HTR2C: variants seen among roughly 807,000 people sequenced by gnomAD.
The protein encoded by HTR2C is 5-hydroxytryptamine receptor 2C.
Under a neutral mutation model 21.0 loss-of-function variants are expected in HTR2C, and 5 were observed. The observed-to-expected ratio is 0.24, with a 90% CI of 0.12 to 0.50. HTR2C has a LOEUF of 0.50. Among genes scored for constraint, HTR2C ranks in the 20% least tolerant of loss-of-function variants. HTR2C has a pLI of 0.98. For synonymous variants in HTR2C, 150 were observed against 145.3 expected, an observed-to-expected ratio of 1.03 and a Z score of -0.23; for missense variants, 271 against 371.2, an observed-to-expected ratio of 0.73 and a Z score of 2.22.
chrX:114,764,912 TTTC>T (rs1556434053), intron 4 of HTR2C, among the ~76,000 whole-genome samples: 2 of 70,112 alleles, frequency 2.9e-5, no homozygotes, highest in African/African-American at 9.9e-5. Flanking sequence ...TCTTTCTTTC[TTTC>T]TTTCTTTCTT....
intron 4 of HTR2C, among the ~76,000 whole-genome samples, chrX:114,766,729 C>T (rs1400153930): frequency 9.0e-6 from 1 of 111,577 alleles, no homozygotes; most frequent in Non-Finnish European, 1.9e-5. Context: ...TAGTTTCTTT[C>T]TTTTCCTCTT....
chrX:114,812,753 C>CAA (rs55961441), intron 4 of HTR2C, among the ~76,000 whole-genome samples: 2 of 103,539 alleles, frequency 1.9e-5, no homozygotes, highest in African/African-American at 7.6e-5. Context: ...AACAAACAAA[C>CAA]AAAAAAAAAA....
In HTR2C at chrX:114,634,085, C is replaced by T. The variant is rs996238899; in HGVS notation, c.-80+20204C>T. Among the ~76,000 whole-genome samples the T allele has an allele frequency of 1.4e-4, 15 of 109,953 alleles. No individual in the cohort carries two copies. The East Asian group carries it at 4.3e-3, about 31-fold the overall frequency. Reference sequence around the variant, plus strand: ...TTACTACTTCCTCCATTACTTATCTCAATAGAAATTTAAATAATCTTGATG... The same window carrying T: ...TTACTACTTCCTCCATTACTTATCTTAATAGAAATTTAAATAATCTTGATG... On this transcript the variant is annotated intron_variant, in intron 2 of 5. Transcript: ENST00000276198.
At chrX:114,793,093 GT>G (rs1324046894) in intron 4 of HTR2C, among the ~76,000 whole-genome samples, 5 of 111,494 alleles carry the variant, frequency 4.5e-5, no homozygotes, top group Non-Finnish European at 9.4e-5. Context: ...TAGGATTTGT[GT>G]GTGTGTGCTG....
At chrX:114,656,273 C>T (rs1930778356) in intron 2 of HTR2C, among the ~76,000 whole-genome samples, 1 of 111,330 alleles carries the variant, frequency 9.0e-6, no homozygotes, top group Non-Finnish European at 1.9e-5. Context: ...AATCTTCCAA[C>T]TTCTTTTTGT....
At chrX:114,872,934 G>T (rs1020452043) in intron 5 of HTR2C, among the ~76,000 whole-genome samples, 2 of 111,404 alleles carry the variant, frequency 1.8e-5, no homozygotes, top group Non-Finnish European at 3.8e-5. Flanking sequence ...GTATTTTGTG[G>T]TTCTCTTATT....
intron 5 of HTR2C, among the ~76,000 whole-genome samples, chrX:114,858,133 T>C (rs1423974319): frequency 9.0e-6 from 1 of 111,338 alleles, no homozygotes; most frequent in African/African-American, 3.3e-5. Context: ...CTAATCTAGT[T>C]GAGTAAGTCT....
Position 114,834,908 on chromosome X carries a change from C to T in HTR2C, c.350-13095C>T, listed in dbSNP as rs1316378456. 3.7e-5 allele frequency among the ~76,000 whole-genome samples: 4 copies of T among 108,121 alleles called. No homozygotes were observed. In the Admixed American group the frequency reaches 4.0e-4, roughly 11 times the overall value. 93.9% of individuals were successfully genotyped at this position (108,121 alleles called of 115,157 possible). On this transcript the variant is annotated intron_variant, in intron 4 of 5. Coordinates refer to ENST00000276198, the MANE Select transcript of HTR2C (RefSeq NM_000868.4). ...TCTTTTAGGGCAGGACTGGTGGTGACAAAATCTCTCAGCATTTGCTTGTCT... is the reference window on the plus strand; with the variant it reads ...TCTTTTAGGGCAGGACTGGTGGTGATAAAATCTCTCAGCATTTGCTTGTCT...
chrX:114,820,080 C>T (rs1346760410), intron 4 of HTR2C, among the ~76,000 whole-genome samples: 1 of 110,551 alleles, frequency 9.0e-6, no homozygotes, highest in Non-Finnish European at 1.9e-5. Context: ...TCCATTCTGT[C>T]ATGGCTGGGA....
chrX:114,805,920 T>G (rs1310857658), intron 4 of HTR2C, among the ~76,000 whole-genome samples: 2 of 79,252 alleles, frequency 2.5e-5, no homozygotes, highest in African/African-American at 8.7e-5. Flanking sequence ...ATACCATATA[T>G]ATATACACCA....
intron 4 of HTR2C, among the ~76,000 whole-genome samples, chrX:114,765,948 T>C (rs2069943743): frequency 9.0e-6 from 1 of 111,577 alleles, no homozygotes; most frequent in South Asian, 3.7e-4. Context: ...GGAGGGGTCA[T>C]GATATATCTT....
intron 4 of HTR2C, among the ~76,000 whole-genome samples, chrX:114,831,477 T>C (rs1388279715): frequency 1.0e-5 from 1 of 95,613 alleles, no homozygotes; most frequent in Non-Finnish European, 2.1e-5. Flanking sequence ...CATGTGTTTT[T>C]TGGCTGCATA....
chrX:114,748,553 G>A (rs2069727326), intron 4 of HTR2C, among the ~76,000 whole-genome samples: 1 of 111,501 alleles, frequency 9.0e-6, no homozygotes, highest in South Asian at 3.7e-4. Context: ...TTGTTGGAAA[G>A]AAAAGTGCAT....
chrX:114,693,018 CTTCT>C (rs1340575257), intron 2 of HTR2C, among the ~76,000 whole-genome samples: 2 of 111,725 alleles, frequency 1.8e-5, no homozygotes, highest in East Asian at 5.6e-4. Flanking sequence ...GGAGAGATGA[CTTCT>C]TTCTGTCAAG....
chrX:114,642,208 G>A (rs1223524613), intron 2 of HTR2C, among the ~76,000 whole-genome samples: 1 of 111,925 alleles, frequency 8.9e-6, no homozygotes, highest in Non-Finnish European at 1.9e-5. Flanking sequence ...GTGAACATAC[G>A]TAAGCATGTA....
intron 2 of HTR2C, among the ~76,000 whole-genome samples, chrX:114,615,453 A>G (rs1928911336): frequency 8.9e-6 from 1 of 112,301 alleles, no homozygotes; most frequent in African/African-American, 3.2e-5. Context: ...GAAAGCACAC[A>G]GGAAATCACT....
intron 5 of HTR2C, among the ~76,000 whole-genome samples, chrX:114,854,532 A>G (rs1245426234): frequency 9.0e-6 from 1 of 110,829 alleles, no homozygotes; most frequent in Non-Finnish European, 1.9e-5. Context: ...CAATGTACCC[A>G]TTAAATAATT....
intron 4 of HTR2C, among the ~76,000 whole-genome samples, chrX:114,762,993 T>C (rs782396045): frequency 1.8e-5 from 2 of 112,249 alleles, no homozygotes; most frequent in Admixed American, 9.4e-5. Context: ...GCAAATCAAT[T>C]TTCATCATGC....
chrX:114,895,717 G>C (rs1303510480), intron 5 of HTR2C, among the ~76,000 whole-genome samples: 1 of 111,553 alleles, frequency 9.0e-6, no homozygotes, highest in East Asian at 2.8e-4. Flanking sequence ...GCTGGGTGTG[G>C]TGGCTCACGC....
Sources: allele counts gnomAD v4.1 joint callset (sites outside exome capture counted in the v4.1 genomes callset), GRCh38; gene constraint gnomAD v4.1.1; transcripts MANE v1.5; gene names NCBI Gene and HGNC (gene_info 2026-07-23, HGNC 2026-07-21).